Variants in C10orf90 observed in about 807,000 individuals in gnomAD.
The protein encoded by C10orf90 is (E2-independent) E3 ubiquitin-conjugating enzyme FATS.
C10orf90 carries 56 observed loss-of-function variants against 62.5 expected under a neutral mutation model. The observed-to-expected ratio is 0.90, with a 90% CI of 0.72 to 1.12. C10orf90 has a LOEUF of 1.12. Ranked by LOEUF, C10orf90 falls within the 50% of genes most tolerant of loss-of-function variation. The probability of loss-of-function intolerance (pLI) is 0.00; values close to 1 mark genes in which losing one functional copy is unlikely to be tolerated. For missense variants in C10orf90, 970 were observed against 880.4 expected, an observed-to-expected ratio of 1.10 and a Z score of -1.29; for synonymous variants, 386 against 340.4, an observed-to-expected ratio of 1.13 and a Z score of -1.47.
chr10:126,469,750 A>G, intron 4 of C10orf90: 1 of 396,896 alleles, frequency 2.5e-6, no homozygotes, highest in Non-Finnish European at 5.0e-6. Context: ...TCTTCCTCTC[A>G]CCTGGGTTCT....
intron 4 of C10orf90, among the ~76,000 whole-genome samples, chr10:126,473,804 G>T (rs1290290830): frequency 6.6e-6 from 1 of 152,074 alleles, no homozygotes; most frequent in African/African-American, 2.4e-5. Flanking sequence ...TGGCATGTTT[G>T]TTAAAACTTA....
At chr10:126,580,652 CA>C (rs58927719) in intron 2 of C10orf90, among the ~76,000 whole-genome samples, 183 of 134,874 alleles carry the variant, frequency 1.4e-3, no homozygotes, top group South Asian at 8.0e-3. Flanking sequence ...GGCTCTGTCT[CA>C]AAAAAAAAAA....
intron 4 of C10orf90, among the ~76,000 whole-genome samples, chr10:126,494,315 C>A (rs1248296770): frequency 2.0e-5 from 3 of 152,044 alleles, no homozygotes; most frequent in Admixed American, 2.0e-4. Flanking sequence ...AAAGGTAGGA[C>A]AAAGCCAGGA....
At chr10:126,620,964 G>T (rs1337436997) in intron 2 of C10orf90, among the ~76,000 whole-genome samples, 2 of 152,062 alleles carry the variant, frequency 1.3e-5, no homozygotes, top group Non-Finnish European at 2.9e-5. Context: ...TTTGACATAA[G>T]AATTATAGCA....
chr10:126,572,877 G>T (rs577668668), intron 2 of C10orf90, among the ~76,000 whole-genome samples: 28 of 152,092 alleles, frequency 1.8e-4, no homozygotes, highest in Admixed American at 1.8e-3. Context: ...ACCCAATATG[G>T]TCTTCAAAAA....
chr10:126,583,632 T>C (rs1441710471), intron 2 of C10orf90, among the ~76,000 whole-genome samples: 1 of 152,196 alleles, frequency 6.6e-6, no homozygotes, highest in African/African-American at 2.4e-5. Context: ...AGTCTGGGAC[T>C]GTGGGACCTG....
At chr10:126,623,651 G>A (rs959362974) in intron 2 of C10orf90, among the ~76,000 whole-genome samples, 2 of 151,928 alleles carry the variant, frequency 1.3e-5, no homozygotes, top group Admixed American at 1.3e-4. Context: ...AGACCAGCCT[G>A]GCCAACATGG....
At chr10:126,604,147 G>A (rs1390606649) in intron 2 of C10orf90, among the ~76,000 whole-genome samples, 2 of 152,168 alleles carry the variant, frequency 1.3e-5, no homozygotes, top group Non-Finnish European at 2.9e-5. Flanking sequence ...CATCAAGGCT[G>A]GGCTCCATCC....
At chr10:126,501,328 T>C (rs1321547005) in intron 4 of C10orf90, among the ~76,000 whole-genome samples, 1 of 152,196 alleles carries the variant, frequency 6.6e-6, no homozygotes, top group Non-Finnish European at 1.5e-5. Flanking sequence ...ATGTGCTTTC[T>C]TGTCACCTGA....
At position 126,504,584 on chromosome 10, in the gene C10orf90, G is replaced by A. The variant is rs763242638; in HGVS notation, c.907C>T (p.Arg303Trp). ...TEFSRNSSVVRLKVPEAHTGL... is the reference protein window; with the variant it reads ...TEFSRNSSVVWLKVPEAHTGL... ...GTGTGGGCCTCGGGAACCTTCAGCC[G>A]CACCACGGAGCTGTTTCTGGAGAAC... Residue 303 changes from arginine (R) to tryptophan (W), a missense_variant, in exon 4 of 10, where the codon CGG becomes TGG. Coordinates refer to ENST00000488181, the MANE Select transcript of C10orf90 (RefSeq NM_001350921.2). The surrounding 1 kb of genome is among the most constrained non-coding windows in gnomAD (Gnocchi z 4.1). 6.3e-5 allele frequency: 102 copies of A among 1,614,020 alleles called. No individual in the cohort carries two copies. The highest frequency in any genetic ancestry group is 3.1e-4 in the South Asian group (28 of 91,080).
intron 2 of C10orf90, among the ~76,000 whole-genome samples, chr10:126,636,464 T>C (rs1031437676): frequency 3.3e-5 from 5 of 152,202 alleles, no homozygotes; most frequent in Non-Finnish European, 7.3e-5. Flanking sequence ...TGGCCAACAC[T>C]GACATTTTTA....
intron 2 of C10orf90, among the ~76,000 whole-genome samples, chr10:126,599,107 G>T (rs1262812272): frequency 1.3e-5 from 2 of 151,808 alleles, no homozygotes; most frequent in African/African-American, 4.8e-5. Context: ...TTCAGGCAAG[G>T]TCTCCTCTGC....
Position 126,453,386 on chromosome 10 carries a change from T to C in C10orf90, c.2188+5654A>G, listed in dbSNP as rs4962558. Among the ~76,000 whole-genome samples the C allele has an allele frequency of 0.25, 38,743 of 151,962 alleles. 5,231 individuals are homozygous for C. Among genetic ancestry groups the C allele is most frequent in the African/African-American group, 0.33 (13,786 of 41,426 alleles). On this transcript the variant is annotated intron_variant, in intron 7 of 9. Coordinates refer to ENST00000488181, the MANE Select transcript of C10orf90 (RefSeq NM_001350921.2). The surrounding 1 kb of genome is among the most constrained non-coding windows in gnomAD (Gnocchi z 4.9). ...GAAGAAGGCAGGTGATCTGGAGGGA[T>C]GCAAGAATACCAAGATGCAAAGAGT... is the stretch of plus-strand genomic sequence containing the variant.
chr10:126,516,225 C>T (rs527644632), intron 2 of C10orf90, among the ~76,000 whole-genome samples: 1 of 152,328 alleles, frequency 6.6e-6, no homozygotes, highest in East Asian at 1.9e-4. Context: ...AAAAATGCTG[C>T]TTTGCCATCC....
At chr10:126,668,487 A>G (rs910100306) in intron 1 of C10orf90, among the ~76,000 whole-genome samples, 4 of 152,216 alleles carry the variant, frequency 2.6e-5, no homozygotes, top group Non-Finnish European at 5.9e-5. Context: ...TAAATTTCCT[A>G]ATCTAAATAA....
chr10:126,442,507 A>ATATATATATATATATATATATATATC (rs1274198672), intron 7 of C10orf90, among the ~76,000 whole-genome samples: 1 of 113,170 alleles, frequency 8.8e-6, no homozygotes, highest in Non-Finnish European at 1.8e-5. Flanking sequence ...ATATATATAT[A>ATATATATATATATATATATATATATC]TCTGTTAAGT....
At chr10:126,502,860 T>A in intron 4 of C10orf90, 1 of 514,598 alleles carries the variant, frequency 1.9e-6, no homozygotes, top group Non-Finnish European at 3.9e-6. Flanking sequence ...TTCAATGGTT[T>A]AATCAATCTG....
intron 2 of C10orf90, among the ~76,000 whole-genome samples, chr10:126,530,933 G>A (rs540234993): frequency 3.3e-5 from 5 of 152,286 alleles, no homozygotes; most frequent in Admixed American, 6.5e-5. Context: ...CAGCACTTTG[G>A]GAGGCCATGG....
rs1313059464 is a variant in C10orf90, at chr10:126,576,667, A to G, written c.314-62728T>C. On this transcript the variant is annotated intron_variant, in intron 2 of 9. Transcript: ENST00000488181. ...CACCACAGCCAAGATATGTATACAT[A>G]TATATGTATACATATACATATACAT... Among the ~76,000 whole-genome samples, 3 of 30,014 alleles carry G rather than the reference A, an allele frequency of 1.0e-4. 1 individual carries two copies. The highest frequency in any genetic ancestry group is 2.0e-4 in the Non-Finnish European group (3 of 14,724). 19.7% of individuals were successfully genotyped at this position (30,014 alleles called of 152,430 possible). A position where few individuals can be genotyped will look rare whatever the true frequency, so the allele number is the denominator to read the frequency against.
Sources: gnomAD v4.1 joint callset for allele counts (sites outside exome capture counted in the v4.1 genomes callset) on GRCh38, gnomAD v4.1.1 for gene constraint, Gnocchi (gnomAD v3.1) non-coding constraint, MANE v1.5 for transcripts, NCBI Gene and HGNC (gene_info 2026-07-23, HGNC 2026-07-21) for gene names.